The following ITGB3BP variants were observed in gnomAD, a reference collection of about 807,000 sequenced individuals.
ITGB3BP encodes centromere protein R.
Under a neutral mutation model 29.1 loss-of-function variants are expected in ITGB3BP, and 27 were observed. That is an observed-to-expected ratio of 0.93 (90% CI 0.68 to 1.28). The LOEUF (loss-of-function observed/expected upper bound fraction) is 1.28, where lower values mean the gene tolerates loss of function less well. ITGB3BP is among the 50% of genes most tolerant of loss of function. The probability of loss-of-function intolerance (pLI) is 0.00; values close to 1 mark genes in which losing one functional copy is unlikely to be tolerated. For synonymous variants in ITGB3BP, 61 were observed against 61.4 expected (o/e 0.99, Z 0.03); for missense variants, 192 against 200.2 (o/e 0.96, Z 0.25).
At chr1:63,520,929 T>C (rs1296951855) in intron 1 of ITGB3BP, among the ~76,000 whole-genome samples, 2 of 152,208 alleles carry the variant, frequency 1.3e-5, no homozygotes, top group African/African-American at 2.4e-5. Context: ...CTCATACAAA[T>C]TGGTTATTTC....
At chr1:63,482,050 A>G (rs1040752216) in intron 3 of ITGB3BP, among the ~76,000 whole-genome samples, 8 of 151,966 alleles carry the variant, frequency 5.3e-5, no homozygotes, top group Non-Finnish European at 1.0e-4. Flanking sequence ...AGGCAGGTGG[A>G]TTGCCTGAGC....
At chr1:63,444,467 GATATATATATTACATATA>G (rs1557603826) in intron 8 of ITGB3BP, among the ~76,000 whole-genome samples, 1 of 10,024 alleles carries the variant, frequency 1.0e-4, no homozygotes, top group East Asian at 7.6e-3. Context: ...TTACATATAG[GATATATATATTACATATA>G]GGATATATAT....
intron 2 of ITGB3BP, among the ~76,000 whole-genome samples, chr1:63,504,379 T>C (rs542370878): frequency 0.013 from 1,924 of 152,064 alleles, 73 homozygotes; most frequent in African/African-American, 0.044. Context: ...GAGACTTTGC[T>C]GAAGTTGCCT....
chr1:63,455,574 C>CA (rs1447851643), intron 4 of ITGB3BP, among the ~76,000 whole-genome samples: 1 of 152,082 alleles, frequency 6.6e-6, no homozygotes, highest in Non-Finnish European at 1.5e-5. Context: ...CCTCCCAAAG[C>CA]ACTGTGATTA....
intron 4 of ITGB3BP, among the ~76,000 whole-genome samples, chr1:63,460,185 A>G (rs918970867): frequency 6.6e-6 from 1 of 152,238 alleles, no homozygotes. Flanking sequence ...TTTTAAATGT[A>G]CAATTCAGTG....
chr1:63,460,953 C>T (rs1265710318), intron 4 of ITGB3BP, among the ~76,000 whole-genome samples: 16 of 151,718 alleles, frequency 1.1e-4, no homozygotes, highest in Non-Finnish European at 2.2e-4. Flanking sequence ...GAAATATCTA[C>T]TCAAGGCCTG....
At chr1:63,476,715 T>C (rs1323917279) in intron 4 of ITGB3BP, among the ~76,000 whole-genome samples, 1 of 152,202 alleles carries the variant, frequency 6.6e-6, no homozygotes, top group Non-Finnish European at 1.5e-5. Context: ...GTATCACTTT[T>C]GTCCAACAAC....
chr1:63,503,035 T>C (rs1645978769), intron 2 of ITGB3BP, among the ~76,000 whole-genome samples: 1 of 152,178 alleles, frequency 6.6e-6, no homozygotes, highest in Admixed American at 6.5e-5. Flanking sequence ...TACCCAGTAA[T>C]GGGATTGCTG....
chr1:63,483,207 T>A (rs926387982), intron 3 of ITGB3BP, among the ~76,000 whole-genome samples: 1 of 152,194 alleles, frequency 6.6e-6, no homozygotes, highest in African/African-American at 2.4e-5. Flanking sequence ...TTAAGTGTTA[T>A]TCTTAGAAAT....
At chr1:63,505,208 G>A (rs532905777) in intron 2 of ITGB3BP, among the ~76,000 whole-genome samples, 6 of 152,126 alleles carry the variant, frequency 3.9e-5, no homozygotes, top group East Asian at 3.9e-4. Flanking sequence ...TGGTCTATTC[G>A]GAGGTTCAAA....
chr1:63,509,808 G>A (rs1464571312), intron 1 of ITGB3BP, among the ~76,000 whole-genome samples: 1 of 152,114 alleles, frequency 6.6e-6, no homozygotes, highest in East Asian at 1.9e-4. Flanking sequence ...AAACTAAAAT[G>A]CAGATAATTT....
chr1:63,489,965 T>C (rs567886983), intron 3 of ITGB3BP, 118 bp downstream of exon 3: 18 of 857,208 alleles, frequency 2.1e-5, no homozygotes, highest in Non-Finnish European at 2.7e-5. Context: ...GGTATTAAAT[T>C]ATTTGAGAGA....
chr1:63,512,492 T>C (rs778239575), intron 1 of ITGB3BP, among the ~76,000 whole-genome samples: 1 of 152,126 alleles, frequency 6.6e-6, no homozygotes, highest in Non-Finnish European at 1.5e-5. Context: ...TGAGCTTCTC[T>C]TATAGAACTT....
intron 2 of ITGB3BP, among the ~76,000 whole-genome samples, chr1:63,491,262 T>C (rs1645639517): frequency 6.6e-6 from 1 of 152,206 alleles, no homozygotes; most frequent in African/African-American, 2.4e-5. Flanking sequence ...CACTGCTAAA[T>C]GTGTACTAAT....
intron 4 of ITGB3BP, among the ~76,000 whole-genome samples, chr1:63,469,509 A>G (rs1444312026): frequency 1.3e-5 from 2 of 152,024 alleles, no homozygotes; most frequent in East Asian, 3.9e-4. Context: ...CATTTTTACT[A>G]GAGACGGGGT....
chr1:63,529,037 G>A (rs946456371), intron 2 of ITGB3BP: 5 of 152,034 alleles, frequency 3.3e-5, no homozygotes, highest in Non-Finnish European at 7.4e-5. Flanking sequence ...GGCTGGGGTT[G>A]GAATCCTAAA....
At chr1:63,513,249 CTCCT>C (rs1189260539) in intron 1 of ITGB3BP, among the ~76,000 whole-genome samples, 1 of 151,964 alleles carries the variant, frequency 6.6e-6, no homozygotes, top group African/African-American at 2.4e-5. Flanking sequence ...CCTTTCAGTT[CTCCT>C]TCCTTTATTC....
chr1:63,504,489 T>C (rs1646022948), intron 2 of ITGB3BP, among the ~76,000 whole-genome samples: 1 of 152,146 alleles, frequency 6.6e-6, no homozygotes. Context: ...TTTTCCTAAC[T>C]GAATACCCTT....
At chr1:63,441,167 TAAG>T (rs906173893) in intron 8 of ITGB3BP, 64 bp from the exon 9 acceptor site, 4 of 152,248 alleles carry the variant, frequency 2.6e-5, no homozygotes, top group African/African-American at 7.2e-5. Context: ...ATACATGACT[TAAG>T]AAGTGATTTT....
Sources: gnomAD v4.1 joint callset for allele counts (sites outside exome capture counted in the v4.1 genomes callset) on GRCh38, gnomAD v4.1.1 for gene constraint, MANE v1.5 for transcripts, NCBI Gene and HGNC (gene_info 2026-07-23, HGNC 2026-07-21) for gene names.